Variants in PPP1R12A observed in about 807,000 individuals in gnomAD.
The protein encoded by PPP1R12A is protein phosphatase 1 regulatory subunit 12A, also known as myosin binding subunit.
Under a neutral mutation model 139.6 loss-of-function variants are expected in PPP1R12A, and 19 were observed. The observed-to-expected ratio is 0.14, with a 90% CI of 0.09 to 0.20. The LOEUF (loss-of-function observed/expected upper bound fraction) is 0.20. Among genes scored for constraint, PPP1R12A ranks in the 10% least tolerant of loss-of-function variants. The pLI is 1.00. For synonymous variants in PPP1R12A, 427 were observed against 420.6 expected (o/e 1.02, Z -0.19); for missense variants, 925 against 1,211.5 (o/e 0.76, Z 3.51).
intron 3 of PPP1R12A, among the ~76,000 whole-genome samples, chr12:79,841,051 TAAA>T (rs777684899): frequency 1.1e-3 from 140 of 131,430 alleles, no homozygotes; most frequent in Non-Finnish European, 1.6e-3. Flanking sequence ...CCTTTTTATT[TAAA>T]AAAAAAAAAA....
intron 1 of PPP1R12A, among the ~76,000 whole-genome samples, chr12:79,908,852 G>A (rs1381518815): frequency 6.6e-6 from 1 of 152,140 alleles, no homozygotes; most frequent in Non-Finnish European, 1.5e-5. Flanking sequence ...TACCACCCAT[G>A]ATTATCAACA....
chr12:79,813,782 G>A (rs1273415329), intron 9 of PPP1R12A, among the ~76,000 whole-genome samples: 1 of 152,190 alleles, frequency 6.6e-6, no homozygotes, highest in Non-Finnish European at 1.5e-5. Context: ...AGGAATTAAA[G>A]TAAACACATC....
At chr12:79,873,654 AC>A (rs1014405469) in intron 1 of PPP1R12A, among the ~76,000 whole-genome samples, 1 of 152,136 alleles carries the variant, frequency 6.6e-6, no homozygotes, top group African/African-American at 2.4e-5. Flanking sequence ...ACAGAGTGAG[AC>A]CCTGTCTCCA....
rs190763406 is a variant in PPP1R12A, at chr12:79,777,459, G to T, written c.3006+1091C>A. On this transcript the variant is annotated intron_variant, in intron 24 of 24. Coordinates refer to ENST00000450142, the MANE Select transcript of PPP1R12A (RefSeq NM_002480.3). ...GTAAAAGTGAGCTCTTACAAAACAC[G>T]CCTACTAATATAAAAACACCTGCCT... is the stretch of plus-strand genomic sequence containing the variant. 30 of 984,932 alleles carry T rather than the reference G, an allele frequency of 3.0e-5. No individual in the cohort carries two copies. In the East Asian group the frequency reaches 2.8e-3, roughly 93 times the overall value. The allele number at this position is 984,932 out of a possible 1,614,324, so 61.0% of individuals were successfully genotyped here. A position where few individuals can be genotyped will look rare whatever the true frequency, so the allele number is the denominator to read the frequency against.
At chr12:79,844,186 ACT>A (rs1879119706) in intron 3 of PPP1R12A, among the ~76,000 whole-genome samples, 1 of 152,082 alleles carries the variant, frequency 6.6e-6, no homozygotes, top group African/African-American at 2.4e-5. Context: ...GAGTAATGAA[ACT>A]CTGTGCCCGT....
At chr12:79,863,471 T>G (rs1398234991) in intron 2 of PPP1R12A, among the ~76,000 whole-genome samples, 1 of 151,966 alleles carries the variant, frequency 6.6e-6, no homozygotes, top group Non-Finnish European at 1.5e-5. Context: ...CTAACAATAT[T>G]AACCTTAAAT....
chr12:79,825,249 A>AT (rs1876626090), intron 5 of PPP1R12A: 1 of 152,160 alleles, frequency 6.6e-6, no homozygotes, highest in Admixed American at 6.5e-5. Context: ...TAGCTTTGTT[A>AT]TTCATTTAAA....
chr12:79,820,730 C>A, intron 8 of PPP1R12A, 44 bp downstream of exon 8: 1 of 1,594,578 alleles, frequency 6.3e-7, no homozygotes, highest in Non-Finnish European at 8.5e-7. Context: ...TTATTTTACA[C>A]TGCCACAAAA....
chr12:79,817,570 A>G, intron 8 of PPP1R12A, 52 bp from the exon 9 acceptor site: 2 of 1,471,736 alleles, frequency 1.4e-6, no homozygotes, highest in Non-Finnish European at 9.1e-7. Context: ...TTTGGTCTCA[A>G]TGGCTGGGAA....
chr12:79,808,164 TTAAG>T (rs1211746389), intron 11 of PPP1R12A, among the ~76,000 whole-genome samples: 23 of 152,142 alleles, frequency 1.5e-4, no homozygotes, highest in African/African-American at 5.3e-4. Context: ...ACTAAAATGA[TTAAG>T]TAAGGGCTTT....
chr12:79,804,263 T>C (rs551994519), intron 14 of PPP1R12A, among the ~76,000 whole-genome samples: 5 of 152,196 alleles, frequency 3.3e-5, no homozygotes, highest in African/African-American at 1.2e-4. Context: ...GTTGGCTCTG[T>C]GGTCTTACTG....
intron 2 of PPP1R12A, 149 bp from the exon 3 acceptor site, chr12:79,845,569 C>T (rs112133602): frequency 1.5e-5 from 9 of 587,556 alleles, no homozygotes; most frequent in South Asian, 8.8e-5. Context: ...TCAGGCCAGG[C>T]GCAGTGGCTC....
intron 1 of PPP1R12A, among the ~76,000 whole-genome samples, chr12:79,881,025 C>T (rs1350826712): frequency 6.6e-6 from 1 of 152,050 alleles, no homozygotes; most frequent in African/African-American, 2.4e-5. Flanking sequence ...AGATGGTGAA[C>T]TTAATTGATA....
upstream of PPP1R12A, chr12:79,935,131 C>T (rs929285943): frequency 2.9e-6 from 4 of 1,356,370 alleles, no homozygotes; most frequent in Admixed American, 3.7e-5. Context: ...GACCTCCCTT[C>T]CTACCACAGA....
chr12:79,851,241 A>G (rs1008381083), intron 2 of PPP1R12A, among the ~76,000 whole-genome samples: 1 of 152,170 alleles, frequency 6.6e-6, no homozygotes, highest in Non-Finnish European at 1.5e-5. Context: ...TCAGAAATAA[A>G]TGCTATTTTC....
intron 1 of PPP1R12A, among the ~76,000 whole-genome samples, chr12:79,879,510 T>G (rs974810857): frequency 2.0e-5 from 3 of 152,102 alleles, no homozygotes; most frequent in Non-Finnish European, 4.4e-5. Flanking sequence ...GGAGATCCTA[T>G]TCACATAACA....
chr12:79,779,434 G>T, intron 23 of PPP1R12A: 1 of 1,021,352 alleles, frequency 9.8e-7, no homozygotes, highest in Non-Finnish European at 1.3e-6. Flanking sequence ...AATAAATAAT[G>T]CTGATATTTA....
intron 23 of PPP1R12A, chr12:79,778,933 C>G (rs1163272445): frequency 4.4e-6 from 1 of 226,084 alleles, no homozygotes; most frequent in Non-Finnish European, 9.0e-6. Context: ...AAACAAAACT[C>G]ACACAAAGAT....
intron 1 of PPP1R12A, among the ~76,000 whole-genome samples, chr12:79,929,509 T>C (rs1047965182): frequency 1.3e-5 from 2 of 152,184 alleles, no homozygotes; most frequent in Non-Finnish European, 2.9e-5. Context: ...CTCACACCTG[T>C]AATCCTAGCA....
Sources: allele counts gnomAD v4.1 joint callset (sites outside exome capture counted in the v4.1 genomes callset), GRCh38; gene constraint gnomAD v4.1.1; transcripts MANE v1.5; gene names NCBI Gene and HGNC (gene_info 2026-07-23, HGNC 2026-07-21).